CSMD1: variants seen among roughly 807,000 people sequenced by gnomAD.
The protein encoded by CSMD1 is CUB and sushi domain-containing protein 1.
A neutral mutation model predicts 417.5 loss-of-function variants in CSMD1; 213 were observed. The ratio of observed to expected loss-of-function variants is 0.51; its 90% CI spans 0.46 to 0.57. The LOEUF (loss-of-function observed/expected upper bound fraction) is 0.57. CSMD1 is among the 20% of genes least tolerant of loss of function. The probability of loss-of-function intolerance (pLI) is 0.00; values close to 1 mark genes in which losing one functional copy is unlikely to be tolerated. For missense variants in CSMD1, 6,923 were observed against 4,529.7 expected (o/e 1.53, Z -15.17); for synonymous variants, 2,862 against 1,736.8 (o/e 1.65, Z -16.11).
intron 2 of CSMD1, among the ~76,000 whole-genome samples, chr8:4,615,651 T>G (rs541705680): frequency 6.6e-6 from 1 of 152,300 alleles, no homozygotes; most frequent in East Asian, 1.9e-4. Context: ...TATTTTTTTG[T>G]GAGTGTAAGG....
At chr8:4,971,762 A>C (rs897405487) in intron 1 of CSMD1, among the ~76,000 whole-genome samples, 1 of 151,696 alleles carries the variant, frequency 6.6e-6, no homozygotes, top group Admixed American at 6.6e-5. Flanking sequence ...TTATGTCCTA[A>C]TTCCTCTAAA....
rs1408795227 is a variant in CSMD1, at chr8:4,784,232, G to A, written c.86-146674C>T. ...ACTTGTTTGAACATTGCGGCCTATT[G>A]TAATTGGAAAAGTCAAGCCCAAGTA... On this transcript the variant is annotated intron_variant, in intron 1 of 69. Coordinates refer to ENST00000635120, the MANE Select transcript of CSMD1 (RefSeq NM_033225.6). Among the ~76,000 whole-genome samples the A allele has an allele frequency of 2.6e-5, 4 of 152,158 alleles. No individual in the cohort carries two copies. In the South Asian group the frequency reaches 6.2e-4, roughly 24 times the overall value.
At chr8:3,426,979 C>G (rs1019776938) in intron 12 of CSMD1, among the ~76,000 whole-genome samples, 1 of 152,146 alleles carries the variant, frequency 6.6e-6, no homozygotes, top group Non-Finnish European at 1.5e-5. Flanking sequence ...GCCTTCTTCA[C>G]AAGGCGGCAT....
At chr8:4,834,982 AAAGAAAG>A (rs578049527) in intron 1 of CSMD1, among the ~76,000 whole-genome samples, 58 of 20,968 alleles carry the variant, frequency 2.8e-3, no homozygotes, top group Admixed American at 8.7e-3. Context: ...AAAAAAAAAG[AAAGAAAG>A]AAAGAAAGAA....
At chr8:3,984,293 C>G (rs943625802) in intron 5 of CSMD1, among the ~76,000 whole-genome samples, 1 of 152,180 alleles carries the variant, frequency 6.6e-6, no homozygotes, top group African/African-American at 2.4e-5. Flanking sequence ...TAAAATGTCA[C>G]ACATGCACAG....
intron 5 of CSMD1, among the ~76,000 whole-genome samples, chr8:3,889,789 T>G (rs1212775788): frequency 6.6e-6 from 1 of 151,984 alleles, no homozygotes; most frequent in Non-Finnish European, 1.5e-5. Context: ...ATTATATAGG[T>G]ATCCCATACT....
chr8:2,947,115 T>A lies in CSMD1; in HGVS notation c.10402+2184A>T, dbSNP rs578004491. On this transcript the variant is annotated intron_variant, in intron 68 of 69. Transcript: ENST00000635120. ...ATAAGAGTTCTTCGTACATTCTGGA[T>A]ACAAGTCACTTATCAGGTACATAAT... Among the ~76,000 whole-genome samples the A allele has an allele frequency of 5.3e-5, 8 of 152,370 alleles. No individual in the cohort carries two copies. In the South Asian group the frequency reaches 1.7e-3, roughly 32 times the overall value.
chr8:3,737,749 C>A (rs1382704080), intron 6 of CSMD1, among the ~76,000 whole-genome samples: 1 of 152,156 alleles, frequency 6.6e-6, no homozygotes, highest in Non-Finnish European at 1.5e-5. Context: ...GATTCTCTGA[C>A]CACATTCATT....
intron 49 of CSMD1, among the ~76,000 whole-genome samples, chr8:3,054,616 T>C (rs1812090239): frequency 8.9e-6 from 1 of 112,312 alleles, no homozygotes; most frequent in Admixed American, 9.0e-5. Flanking sequence ...AGGCCCTGTC[T>C]CAAAAACAAA....
At chr8:3,048,169 G>T (rs1416702648) in intron 50 of CSMD1, among the ~76,000 whole-genome samples, 1 of 152,154 alleles carries the variant, frequency 6.6e-6, no homozygotes, top group Non-Finnish European at 1.5e-5. Context: ...ACCCATGTCA[G>T]TCAGGACACT....
At chr8:3,437,569 A>G (rs1433787413) in intron 12 of CSMD1, among the ~76,000 whole-genome samples, 1 of 152,200 alleles carries the variant, frequency 6.6e-6, no homozygotes, top group Non-Finnish European at 1.5e-5. Flanking sequence ...ACTGGACTGC[A>G]GGAGCCCATC....
chr8:4,103,258 A>C, intron 3 of CSMD1, among the ~76,000 whole-genome samples: 2 of 33,540 alleles, frequency 6.0e-5, no homozygotes, highest in Admixed American at 9.6e-4. Flanking sequence ...ATCAGTGTAT[A>C]CATACATTAT....
chr8:2,984,963 T>G (rs1248187630), intron 54 of CSMD1, among the ~76,000 whole-genome samples: 1 of 152,240 alleles, frequency 6.6e-6, no homozygotes, highest in Non-Finnish European at 1.5e-5. Flanking sequence ...TGTTTTAAAG[T>G]ATAACTTCTT....
At chr8:4,584,179 G>C (rs1767312522) in intron 2 of CSMD1, among the ~76,000 whole-genome samples, 1 of 152,020 alleles carries the variant, frequency 6.6e-6, no homozygotes, top group Non-Finnish European at 1.5e-5. Flanking sequence ...AACACTCACT[G>C]CGACGGTCCG....
intron 10 of CSMD1, among the ~76,000 whole-genome samples, chr8:3,553,170 G>T (rs1457257540): frequency 6.6e-6 from 1 of 151,834 alleles, no homozygotes; most frequent in Non-Finnish European, 1.5e-5. Context: ...TCTTTCATCA[G>T]TTTCAGGCTG....
chr8:3,915,643 C>G (rs553472374), intron 5 of CSMD1, among the ~76,000 whole-genome samples: 1 of 151,410 alleles, frequency 6.6e-6, no homozygotes, highest in South Asian at 2.1e-4. Flanking sequence ...TATAATTTAA[C>G]AGAACCTGTG....
intron 40 of CSMD1, among the ~76,000 whole-genome samples, chr8:3,145,469 G>C (rs1479898710): frequency 6.6e-6 from 1 of 152,124 alleles, no homozygotes; most frequent in South Asian, 2.1e-4. Context: ...CGTCTCAAAA[G>C]TACAGGATCT....
At chr8:4,402,490 C>A (rs889100612) in intron 3 of CSMD1, among the ~76,000 whole-genome samples, 4 of 152,118 alleles carry the variant, frequency 2.6e-5, no homozygotes, top group Non-Finnish European at 5.9e-5. Context: ...TTCATGACCA[C>A]TCCTCTCCCA....
chr8:4,219,552 T>C (rs531398939), intron 3 of CSMD1, among the ~76,000 whole-genome samples: 345 of 2,958 alleles, frequency 0.12, no homozygotes, highest in African/African-American at 0.17. Context: ...TTTATGCTTA[T>C]GTTAAAAAAA....
Sources: gnomAD v4.1 joint callset for allele counts (sites outside exome capture counted in the v4.1 genomes callset) on GRCh38, gnomAD v4.1.1 for gene constraint, MANE v1.5 for transcripts, NCBI Gene and HGNC (gene_info 2026-07-23, HGNC 2026-07-21) for gene names.